The following SCN10A variants were observed in gnomAD, a reference collection of about 807,000 sequenced individuals.
SCN10A encodes sodium channel protein type 10 subunit alpha.
SCN10A carries 162 observed loss-of-function variants against 170.7 expected under a neutral mutation model. The ratio of observed to expected loss-of-function variants is 0.95; its 90% confidence interval spans 0.84 to 1.08. The LOEUF (loss-of-function observed/expected upper bound fraction) is 1.08, where lower values mean the gene tolerates loss of function less well. Among genes scored for constraint, SCN10A ranks in the 50% least tolerant of loss-of-function variants. The pLI, the probability that SCN10A is intolerant of heterozygous loss-of-function variation, is 0.00. For synonymous variants in SCN10A, 985 were observed against 904.6 expected (o/e 1.09, Z -1.59); for missense variants, 2,527 against 2,436.9 (o/e 1.04, Z -0.78).
intron 4 of SCN10A, among the ~76,000 whole-genome samples, chr3:38,784,267 C>T (rs1259881189): frequency 2.0e-5 from 3 of 151,898 alleles, no homozygotes; most frequent in Non-Finnish European, 4.4e-5. Flanking sequence ...TTTTTCCTTT[C>T]AAAAAGCTTA....
rs867151152 is a variant in SCN10A at position 38,756,835 on chromosome 3, A to G, written c.1129T>C (p.Phe377Leu). The G allele has an allele frequency of 6.2e-6, 10 of 1,614,206 alleles. No homozygotes were observed. In the Middle Eastern group the frequency reaches 9.9e-4, roughly 160 times the overall value. The change falls in exon 10 of 28, where the codon TTT becomes CTT. Residue 377 changes from phenylalanine to leucine, a missense_variant. By Grantham distance (22) the Phe-to-Leu change is conservative (BLOSUM62 0). Coordinates refer to ENST00000449082, the MANE Select transcript of SCN10A (RefSeq NM_006514.4). Reference protein sequence around the residue: ...RTSGKIYMIFFVLVIFLGSFY... With the variant: ...RTSGKIYMIFLVLVIFLGSFY... The stretch of plus-strand genomic sequence containing the variant: ...GATCCCAGGAAGATTACGAGCACAA[A>G]AAAGATCATATAGATTTTCCCAGAA...
At chr3:38,798,002 G>A (rs1290809373) in intron 1 of SCN10A, among the ~76,000 whole-genome samples, 2 of 152,316 alleles carry the variant, frequency 1.3e-5, no homozygotes, top group East Asian at 1.9e-4. Flanking sequence ...CCCATCAGAA[G>A]TGATAGCTCT....
At chr3:38,752,619 T>C (rs1027839598) in intron 11 of SCN10A, 107 bp from the exon 12 acceptor site, 3 of 907,124 alleles carry the variant, frequency 3.3e-6, no homozygotes, top group African/African-American at 1.7e-5. Context: ...CCTGTCTTTA[T>C]GACCTTTCAG....
intron 1 of SCN10A, among the ~76,000 whole-genome samples, chr3:38,814,307 G>C (rs1172500426): frequency 1.3e-5 from 2 of 152,122 alleles, no homozygotes; most frequent in Non-Finnish European, 2.9e-5. Flanking sequence ...CAGGAGTTGG[G>C]GACACTAAGC....
At position 38,735,215 on chromosome 3, in the gene SCN10A, T is replaced by C. The variant is rs76724601; in HGVS notation, c.2280+4300A>G. Among the ~76,000 whole-genome samples, 1,360 of 151,426 alleles carry C rather than the reference T, an allele frequency of 9.0e-3. 57 individuals carry two copies. The highest frequency in any genetic ancestry group is 0.089 in the East Asian group (460 of 5,166). ...GAAAGAAAAGAAGAAATTAAACTCA[T>C]TGTTATTTTCACATGATGTGATTAT... On this transcript the variant is annotated intron_variant, in intron 15 of 27. Coordinates refer to ENST00000449082, the MANE Select transcript of SCN10A (RefSeq NM_006514.4).
intron 3 of SCN10A, among the ~76,000 whole-genome samples, chr3:38,790,006 T>A (rs1396011219): frequency 6.6e-6 from 1 of 152,158 alleles, no homozygotes; most frequent in Non-Finnish European, 1.5e-5. Flanking sequence ...TAGTTTTCTG[T>A]AAATGCCTTG....
chr3:38,761,504 G>T, intron 6 of SCN10A, 121 bp from the exon 7 acceptor site: 1 of 769,822 alleles, frequency 1.3e-6, no homozygotes. Flanking sequence ...ACACACTCCA[G>T]GGCAGTTCCA....
chr3:38,813,623 C>A (rs968480095), intron 1 of SCN10A, among the ~76,000 whole-genome samples: 2 of 152,200 alleles, frequency 1.3e-5, no homozygotes, highest in Non-Finnish European at 2.9e-5. Context: ...TACTCTATAA[C>A]TGGCCATGGC....
At chr3:38,801,124 G>A (rs1388143352) in intron 1 of SCN10A, among the ~76,000 whole-genome samples, 3 of 152,064 alleles carry the variant, frequency 2.0e-5, no homozygotes, top group Non-Finnish European at 2.9e-5. Flanking sequence ...GGGTTCTTCC[G>A]ACCAGATTTT....
At chr3:38,782,637 CA>C in intron 4 of SCN10A, among the ~76,000 whole-genome samples, 1 of 151,940 alleles carries the variant, frequency 6.6e-6, no homozygotes, top group Non-Finnish European at 1.5e-5. Flanking sequence ...ATTAAAACTC[CA>C]AAAGAAGCAT....
At chr3:38,764,331 A>C (rs2063908370) in intron 5 of SCN10A, among the ~76,000 whole-genome samples, 1 of 152,146 alleles carries the variant, frequency 6.6e-6, no homozygotes, top group African/African-American at 2.4e-5. Context: ...AGCAGTGTAC[A>C]CTGTACCCAG....
chr3:38,761,482 A>G, intron 6 of SCN10A, 99 bp from the exon 7 acceptor site: 1 of 1,063,802 alleles, frequency 9.4e-7, no homozygotes, highest in Non-Finnish European at 1.4e-6. Context: ...TACATACAGG[A>G]GTGAAGTATG....
At chr3:38,741,791 C>G (rs1255019353) in intron 14 of SCN10A, among the ~76,000 whole-genome samples, 2 of 152,198 alleles carry the variant, frequency 1.3e-5, no homozygotes, top group Non-Finnish European at 2.9e-5. Flanking sequence ...CATGTTTCCT[C>G]CCTTCCACTG....
At chr3:38,700,051 C>T (rs924662541) in intron 27 of SCN10A, among the ~76,000 whole-genome samples, 2 of 152,104 alleles carry the variant, frequency 1.3e-5, no homozygotes, top group Non-Finnish European at 2.9e-5. Context: ...CAAACAAGCT[C>T]CCTTCTTTAA....
At chr3:38,731,595 A>G (rs549894343) in intron 15 of SCN10A, among the ~76,000 whole-genome samples, 60 of 152,348 alleles carry the variant, frequency 3.9e-4, no homozygotes, top group African/African-American at 1.4e-3. Flanking sequence ...TGAGACACTG[A>G]AACTCCCTCC....
chr3:38,808,945 A>T (rs933951356), intron 1 of SCN10A, among the ~76,000 whole-genome samples: 25 of 152,272 alleles, frequency 1.6e-4, no homozygotes, highest in African/African-American at 5.1e-4. Context: ...CTGATGTTGG[A>T]CGTGTTTTTG....
At chr3:38,770,949 G>T (rs144583356) in intron 5 of SCN10A, among the ~76,000 whole-genome samples, 87 of 152,194 alleles carry the variant, frequency 5.7e-4, no homozygotes, top group African/African-American at 2.0e-3. Context: ...TACATTCCAG[G>T]TAAGGGTAAA....
intron 1 of SCN10A, among the ~76,000 whole-genome samples, chr3:38,794,620 C>A (rs2064326112): frequency 6.6e-6 from 1 of 152,130 alleles, no homozygotes; most frequent in Admixed American, 6.5e-5. Context: ...TCCCCATAAC[C>A]AGATTAGACC....
chr3:38,766,743 T>G (rs1283367103), intron 5 of SCN10A, among the ~76,000 whole-genome samples: 4 of 152,156 alleles, frequency 2.6e-5, no homozygotes, highest in African/African-American at 7.2e-5. Flanking sequence ...ACTGGCTTCA[T>G]AAAATGATTT....
Sources: gnomAD v4.1 joint callset for allele counts (sites outside exome capture counted in the v4.1 genomes callset) on GRCh38, gnomAD v4.1.1 for gene constraint, MANE v1.5 for transcripts, NCBI Gene and HGNC (gene_info 2026-07-23, HGNC 2026-07-21) for gene names.